The following GRID2 variants were observed in gnomAD, a reference collection of about 807,000 sequenced individuals.
GRID2 encodes the protein glutamate receptor ionotropic, delta-2.
GRID2 carries 33 observed loss-of-function variants against 114.8 expected under a neutral mutation model. That is an observed-to-expected ratio of 0.29 (90% CI 0.22 to 0.38). The LOEUF is 0.38. Ranked by LOEUF, GRID2 falls within the 10% of genes least tolerant of loss-of-function variation. The pLI is 1.00. For missense variants in GRID2, 1,184 were observed against 1,257.7 expected (o/e 0.94, Z 0.89); for synonymous variants, 505 against 449.9 (o/e 1.12, Z -1.55).
intron 4 of GRID2, among the ~76,000 whole-genome samples, chr4:93,123,848 G>A (rs992701225): frequency 4.6e-5 from 7 of 151,650 alleles, no homozygotes; most frequent in African/African-American, 1.7e-4. Context: ...AGTCTAGAAT[G>A]TAAATGAATC....
intron 8 of GRID2, among the ~76,000 whole-genome samples, chr4:93,315,024 T>C (rs6532400): frequency 0.56 from 84,711 of 151,988 alleles, 24,318 homozygotes; most frequent in African/African-American, 0.7. Context: ...ACTCACCGTT[T>C]TGCCTGGCTG....
At chr4:93,594,898 C>T (rs113322820) in intron 13 of GRID2, among the ~76,000 whole-genome samples, 5,666 of 152,314 alleles carry the variant, frequency 0.037, 348 homozygotes, top group African/African-American at 0.13. Flanking sequence ...GGCAATGCCT[C>T]GCCCTGCTTC....
chr4:93,455,582 TCCTCGAG>T lies in GRID2; in HGVS notation c.1546-79_1546-73del. On this transcript the variant is annotated intron_variant, in intron 10 of 15. Transcript: ENST00000282020. ...ATTGCCTGAGGCATCTATTTTTTTTTCCTCGAGGCAAGCTGAAGTGGCACAAATGAAA... is the reference window on the plus strand; with the variant it reads ...ATTGCCTGAGGCATCTATTTTTTTTTGCAAGCTGAAGTGGCACAAATGAAA... The T allele has an allele frequency of 5.8e-6, 5 of 867,268 alleles. No homozygotes were observed. In the Admixed American group the frequency reaches 6.8e-5, roughly 12 times the overall value. 53.7% of individuals were successfully genotyped at this position (867,268 alleles called of 1,614,324 possible).
chr4:92,862,149 G>A (rs1178124154), intron 2 of GRID2, among the ~76,000 whole-genome samples: 1 of 152,008 alleles, frequency 6.6e-6, no homozygotes, highest in African/African-American at 2.4e-5. Context: ...AAAACCTCTC[G>A]ACAAGCATTT....
chr4:93,484,398 T>G (rs779843464), intron 11 of GRID2, among the ~76,000 whole-genome samples: 1 of 151,874 alleles, frequency 6.6e-6, no homozygotes, highest in African/African-American at 2.4e-5. Flanking sequence ...ATTAATGGTG[T>G]TGTTTATAAG....
At chr4:93,345,191 C>G (rs1760093841) in intron 8 of GRID2, among the ~76,000 whole-genome samples, 1 of 152,020 alleles carries the variant, frequency 6.6e-6, no homozygotes, top group Admixed American at 6.6e-5. Flanking sequence ...ATTGCTGGAT[C>G]ACATGGTAGT....
At chr4:93,684,105 C>G (rs1429133773) in intron 14 of GRID2, among the ~76,000 whole-genome samples, 1 of 152,024 alleles carries the variant, frequency 6.6e-6, no homozygotes, top group Non-Finnish European at 1.5e-5. Flanking sequence ...CATACACACT[C>G]CAGAATAAAA....
chr4:92,517,830 G>T (rs1724574444), intron 1 of GRID2, among the ~76,000 whole-genome samples: 1 of 151,728 alleles, frequency 6.6e-6, no homozygotes, highest in African/African-American at 2.4e-5. Context: ...CACATTTTGT[G>T]TCCATATCTA....
chr4:92,598,362 G>T (rs546910325), intron 2 of GRID2, among the ~76,000 whole-genome samples: 2 of 152,168 alleles, frequency 1.3e-5, no homozygotes, highest in Admixed American at 1.3e-4. Context: ...GTTAGGTCCT[G>T]ACCTATGTGT....
chr4:92,596,455 T>C (rs926023828), intron 2 of GRID2, among the ~76,000 whole-genome samples: 1 of 152,068 alleles, frequency 6.6e-6, no homozygotes, highest in Non-Finnish European at 1.5e-5. Flanking sequence ...TGGATGTCTA[T>C]TCAGTGACTA....
intron 2 of GRID2, among the ~76,000 whole-genome samples, chr4:92,827,592 T>C (rs76842861): frequency 0.013 from 2,034 of 152,160 alleles, 19 homozygotes; most frequent in Non-Finnish European, 0.022. Context: ...TTATCTTAAA[T>C]ATGATTTTTT....
At chr4:92,319,539 C>T (rs1726195005) in intron 1 of GRID2, among the ~76,000 whole-genome samples, 1 of 152,162 alleles carries the variant, frequency 6.6e-6, no homozygotes, top group Admixed American at 6.5e-5. Flanking sequence ...AGGGGAGATG[C>T]CTAGGGAAGC....
chr4:93,247,566 C>T (rs1748350783), intron 8 of GRID2, among the ~76,000 whole-genome samples: 1 of 152,042 alleles, frequency 6.6e-6, no homozygotes, highest in Non-Finnish European at 1.5e-5. Context: ...GCCTTACACC[C>T]AGACTGGGAC....
At position 92,511,740 on chromosome 4, in the gene GRID2, G is replaced by A. The variant is rs577639560; in HGVS notation, c.89-78391G>A. Among the ~76,000 whole-genome samples the A allele has an allele frequency of 9.4e-4, 143 of 151,990 alleles. 2 individuals carry two copies. The highest frequency in any genetic ancestry group is 7.1e-3 in the Admixed American group (108 of 15,220). Reference sequence around the variant, plus strand: ...AGTAGGAACAAGCAAATCAATGAAAGTTTTGCTATAAAAATTAAGTGGAGC... The same window carrying A: ...AGTAGGAACAAGCAAATCAATGAAAATTTTGCTATAAAAATTAAGTGGAGC... On this transcript the variant is annotated intron_variant, in intron 1 of 15. Coordinates refer to ENST00000282020, the MANE Select transcript of GRID2 (RefSeq NM_001510.4).
intron 3 of GRID2, among the ~76,000 whole-genome samples, chr4:93,103,656 T>C (rs940441457): frequency 6.6e-6 from 1 of 151,940 alleles, no homozygotes; most frequent in African/African-American, 2.4e-5. Context: ...CAAGCAGAGT[T>C]GACTAAGAGA....
intron 4 of GRID2, among the ~76,000 whole-genome samples, chr4:93,126,769 T>A (rs1326140115): frequency 6.6e-6 from 1 of 151,072 alleles, no homozygotes; most frequent in African/African-American, 2.4e-5. Context: ...GGCTAATTTT[T>A]TGTATTTTTA....
intron 2 of GRID2, among the ~76,000 whole-genome samples, chr4:92,887,442 G>A (rs1746451470): frequency 6.6e-6 from 1 of 152,156 alleles, no homozygotes; most frequent in African/African-American, 2.4e-5. Flanking sequence ...TCCTTTTAAG[G>A]TTCTGGCCCC....
chr4:93,224,067 A>C (rs938997076), intron 6 of GRID2, among the ~76,000 whole-genome samples: 7 of 152,144 alleles, frequency 4.6e-5, no homozygotes, highest in Non-Finnish European at 1.5e-5. Context: ...TGATCACTAT[A>C]ATACATATAA....
intron 7 of GRID2, among the ~76,000 whole-genome samples, chr4:93,235,710 C>CATAAA (rs530099811): frequency 3.3e-5 from 5 of 152,118 alleles, no homozygotes; most frequent in Admixed American, 3.3e-4. Flanking sequence ...ATCACAAAGT[C>CATAAA]ATAAAGTTGA....
Sources: allele counts gnomAD v4.1 joint callset (sites outside exome capture counted in the v4.1 genomes callset), GRCh38; gene constraint gnomAD v4.1.1; transcripts MANE v1.5; gene names NCBI Gene and HGNC (gene_info 2026-07-23, HGNC 2026-07-21).